The following PDE10A variants were observed in gnomAD, a reference collection of about 807,000 sequenced individuals.
The protein encoded by PDE10A is phosphodiesterase 10A.
A neutral mutation model predicts 97.7 loss-of-function variants in PDE10A; 39 were observed. That is an observed-to-expected ratio of 0.40 (90% CI 0.31 to 0.52). The LOEUF (loss-of-function observed/expected upper bound fraction) is 0.52. PDE10A is among the 20% of genes least tolerant of loss of function. PDE10A has a pLI of 0.56. For missense variants in PDE10A, 731 were observed against 1,047.8 expected, an observed-to-expected ratio of 0.70 and a Z score of 4.17; for synonymous variants, 371 against 376.8, an observed-to-expected ratio of 0.98 and a Z score of 0.18.
In PDE10A at chr6:165,488,119, A is replaced by G. The variant is rs190617551; in HGVS notation, c.995-5776T>C. Among the ~76,000 whole-genome samples the G allele has an allele frequency of 5.9e-5, 9 of 152,190 alleles. No individual in the cohort carries two copies. In the East Asian group the frequency reaches 1.4e-3, roughly 23 times the overall value. ...TATAAACATGTGTTTTTATTCAACA[A>G]ATATTTACTGAGGAACCACTGTGTG... On this transcript the variant is annotated intron_variant, in intron 2 of 21. Coordinates refer to ENST00000539869, the MANE Select transcript of PDE10A (RefSeq NM_001385079.1).
At chr6:165,471,306 T>G (rs1182603050) in intron 3 of PDE10A, among the ~76,000 whole-genome samples, 1 of 152,170 alleles carries the variant, frequency 6.6e-6, no homozygotes, top group Admixed American at 6.6e-5. Context: ...AAATGTTATG[T>G]TCCAGGGTTG....
upstream of PDE10A, among the ~76,000 whole-genome samples, chr6:165,664,590 C>G (rs568704325): frequency 5.0e-4 from 76 of 152,236 alleles, no homozygotes; most frequent in African/African-American, 1.8e-3. Flanking sequence ...GGGCGCTGCC[C>G]TTGTTTCTGA....
chr6:165,621,245 TA>T (rs56870821), intron 1 of PDE10A, among the ~76,000 whole-genome samples: 29,338 of 142,572 alleles, frequency 0.21, 4,311 homozygotes, highest in African/African-American at 0.43. Context: ...TTTATAGAAC[TA>T]AAAAAAAAGG....
chr6:165,505,176 T>A (rs897141524), intron 2 of PDE10A, among the ~76,000 whole-genome samples: 14 of 152,196 alleles, frequency 9.2e-5, no homozygotes, highest in Admixed American at 6.5e-5. Context: ...TGTTTTCTAT[T>A]ACCTATAACC....
chr6:165,922,012 G>T (rs1010279917), intron 1 of PDE10A, among the ~76,000 whole-genome samples: 17 of 152,156 alleles, frequency 1.1e-4, no homozygotes, highest in African/African-American at 3.9e-4. Flanking sequence ...ACCAGGCTAG[G>T]TAGATGTGGA....
At chr6:165,379,622 C>T (rs1784816603) in intron 17 of PDE10A, among the ~76,000 whole-genome samples, 1 of 152,016 alleles carries the variant, frequency 6.6e-6, no homozygotes, top group Non-Finnish European at 1.5e-5. Context: ...TCATTTACTA[C>T]CATAAAACCC....
At chr6:165,968,657 C>T (rs188016470) in intron 1 of PDE10A, among the ~76,000 whole-genome samples, 4 of 152,282 alleles carry the variant, frequency 2.6e-5, no homozygotes, top group Admixed American at 2.6e-4. Context: ...CTAACTGGGG[C>T]TTCCTTGTAA....
At chr6:165,859,928 G>A (rs576541791) in intron 1 of PDE10A, among the ~76,000 whole-genome samples, 3 of 152,254 alleles carry the variant, frequency 2.0e-5, no homozygotes, top group African/African-American at 7.2e-5. Flanking sequence ...TCTAAGTAAA[G>A]TAACTCAGGA....
At chr6:165,624,908 C>T (rs545427074) in intron 1 of PDE10A, among the ~76,000 whole-genome samples, 98 of 152,278 alleles carry the variant, frequency 6.4e-4, no homozygotes, top group Non-Finnish European at 1.1e-3. Flanking sequence ...TGGGGAGACC[C>T]GTTGGTAGGG....
intron 18 of PDE10A, among the ~76,000 whole-genome samples, chr6:165,353,595 AC>A (rs1782836999): frequency 6.6e-6 from 1 of 152,232 alleles, no homozygotes; most frequent in Admixed American, 6.5e-5. Flanking sequence ...CATGGAAGAA[AC>A]TTAAATGCAT....
chr6:165,772,080 C>A (rs890105557), intron 1 of PDE10A, among the ~76,000 whole-genome samples: 2 of 152,180 alleles, frequency 1.3e-5, no homozygotes, highest in Non-Finnish European at 2.9e-5. Context: ...TTAAAAAATT[C>A]GTATTTCCGT....
At chr6:165,763,441 G>GCC (rs201244717) in intron 1 of PDE10A, among the ~76,000 whole-genome samples, 2 of 152,026 alleles carry the variant, frequency 1.3e-5, no homozygotes, top group East Asian at 1.9e-4. Context: ...TCGTGCCTCA[G>GCC]CCCCCCCAGT....
At chr6:165,800,283 G>T (rs1219222556) in intron 1 of PDE10A, among the ~76,000 whole-genome samples, 1 of 152,266 alleles carries the variant, frequency 6.6e-6, no homozygotes, top group Non-Finnish European at 1.5e-5. Context: ...AGAAAGGCTC[G>T]TTCTACTAAA....
At chr6:165,951,161 T>C (rs1389642160) in intron 1 of PDE10A, among the ~76,000 whole-genome samples, 1 of 152,120 alleles carries the variant, frequency 6.6e-6, no homozygotes, top group East Asian at 1.9e-4. Context: ...AAAAACTACC[T>C]CCGAACTGAT....
chr6:165,487,146 A>G (rs1269038313), intron 2 of PDE10A, among the ~76,000 whole-genome samples: 1 of 152,238 alleles, frequency 6.6e-6, no homozygotes, highest in African/African-American at 2.4e-5. Flanking sequence ...GGCTTTAAAA[A>G]TATGTTTGAG....
intron 1 of PDE10A, among the ~76,000 whole-genome samples, chr6:165,644,018 G>T (rs1789269478): frequency 6.6e-6 from 1 of 152,066 alleles, no homozygotes; most frequent in South Asian, 2.1e-4. Context: ...AGTACGACTG[G>T]CAGACCTGTT....
At chr6:165,885,460 A>T (rs918513808) in intron 1 of PDE10A, among the ~76,000 whole-genome samples, 1 of 152,216 alleles carries the variant, frequency 6.6e-6, no homozygotes, top group African/African-American at 2.4e-5. Context: ...ACCTCCCGCC[A>T]GGTGCCTCCC....
chr6:165,956,986 G>T (rs1197127159), intron 1 of PDE10A, among the ~76,000 whole-genome samples: 1 of 152,178 alleles, frequency 6.6e-6, no homozygotes, highest in Non-Finnish European at 1.5e-5. Context: ...AGCACAGGAG[G>T]TGGGCTAGGA....
intron 13 of PDE10A, among the ~76,000 whole-genome samples, chr6:165,407,051 G>A (rs1040569998): frequency 6.6e-6 from 1 of 152,044 alleles, no homozygotes; most frequent in African/African-American, 2.4e-5. Context: ...ATGGCCTATT[G>A]GGGGACTTTT....
Sources: gnomAD v4.1 joint callset for allele counts (sites outside exome capture counted in the v4.1 genomes callset) on GRCh38, gnomAD v4.1.1 for gene constraint, MANE v1.5 for transcripts, NCBI Gene and HGNC (gene_info 2026-07-23, HGNC 2026-07-21) for gene names.